ZBTB5: variants seen among roughly 807,000 people sequenced by gnomAD.
ZBTB5 encodes the protein zinc finger and BTB domain containing 5.
Under a neutral mutation model 37.9 loss-of-function variants are expected in ZBTB5, and 15 were observed. The observed-to-expected ratio is 0.40, with a 90% confidence interval of 0.26 to 0.61. The LOEUF (loss-of-function observed/expected upper bound fraction) is 0.61. Among genes scored for constraint, ZBTB5 ranks in the 20% least tolerant of loss-of-function variants. ZBTB5 has a pLI of 0.47. For synonymous variants in ZBTB5, 315 were observed against 312.4 expected (o/e 1.01, Z -0.09); for missense variants, 708 against 856.8 (o/e 0.83, Z 2.17).
chr9:37,460,590 G>C, intron 1 of ZBTB5, among the ~76,000 whole-genome samples: 1 of 152,204 alleles, frequency 6.6e-6, no homozygotes, highest in East Asian at 1.9e-4. Flanking sequence ...TGGGTGCTGG[G>C]CATGGTGGCT....
chr9:37,464,753 C>G (rs1824358817), intron 1 of ZBTB5, among the ~76,000 whole-genome samples: 1 of 152,254 alleles, frequency 6.6e-6, no homozygotes, highest in Non-Finnish European at 1.5e-5. Context: ...CTCCACCCCT[C>G]CAGGGTCGGC....
intron 1 of ZBTB5, among the ~76,000 whole-genome samples, chr9:37,454,306 A>T (rs1253107117): frequency 6.6e-6 from 1 of 152,252 alleles, no homozygotes; most frequent in Non-Finnish European, 1.5e-5. Context: ...TAAAAGCCTT[A>T]ACAGAGCTCA....
chr9:37,446,921 T>C (rs1824001634), intron 1 of ZBTB5, among the ~76,000 whole-genome samples: 1 of 152,192 alleles, frequency 6.6e-6, no homozygotes, highest in South Asian at 2.1e-4. Flanking sequence ...GGTGGGAAGT[T>C]GTACAAGACT....
At chr9:37,446,311 A>G (rs1823977087) in intron 1 of ZBTB5, among the ~76,000 whole-genome samples, 1 of 152,228 alleles carries the variant, frequency 6.6e-6, no homozygotes, top group Non-Finnish European at 1.5e-5. Flanking sequence ...TGTCCCAGCC[A>G]TACAGCCTTA....
chr9:37,440,567 G>C lies in ZBTB5; in HGVS notation c.1985C>G (p.Thr662Ser). Residue 662 changes from threonine (T) to serine (S), a missense_variant, in exon 2 of 2, where the codon ACT becomes AGT. Physicochemically the swap from Thr to Ser is moderately conservative, Grantham distance 58 (BLOSUM62 1). Coordinates refer to ENST00000307750, the MANE Select transcript of ZBTB5 (RefSeq NM_014872.3). ...GCTGCTCTGCCAGCGCAGGCAGGTA[G>C]TCTTTGAGTGCTTATACAGGTGGCT... Reference protein sequence around the residue: ...QSSHLYKHSKTTCLRWQSSNL... With the variant: ...QSSHLYKHSKSTCLRWQSSNL... The C allele has an allele frequency of 1.9e-6, 3 of 1,614,272 alleles. No individual in the cohort carries two copies. Among genetic ancestry groups the C allele is most frequent in the Non-Finnish European group, 2.5e-6 (3 of 1,180,046 alleles).
At chr9:37,456,763 G>C (rs556206535) in intron 1 of ZBTB5, among the ~76,000 whole-genome samples, 39 of 152,304 alleles carry the variant, frequency 2.6e-4, no homozygotes, top group Non-Finnish European at 5.0e-4. Context: ...CTCTCAAAGT[G>C]CCTGACATAA....
At chr9:37,460,529 G>C (rs576568328) in intron 1 of ZBTB5, among the ~76,000 whole-genome samples, 56 of 152,260 alleles carry the variant, frequency 3.7e-4, no homozygotes, top group Admixed American at 3.3e-3. Flanking sequence ...AGACCTGCTT[G>C]GTTAACATAG....
rs1245339174 is a variant in ZBTB5, at chr9:37,438,452, A to C, written c.*2066T>G. The C allele has an allele frequency of 6.6e-6, 1 of 152,552 alleles. No individual in the cohort carries two copies. The highest frequency in any genetic ancestry group is 1.5e-5 in the Non-Finnish European group (1 of 68,058). 9.4% of individuals were successfully genotyped at this position (152,552 alleles called of 1,614,324 possible). On this transcript the variant is annotated 3_prime_UTR_variant, in exon 2 of 2. Coordinates refer to ENST00000307750, the MANE Select transcript of ZBTB5 (RefSeq NM_014872.3). Reference sequence around the variant, plus strand: ...ACTGACAGACTAAGAGGTAGATGAGAGATTCCAGGTTCCATCTAGCAGTGG... The same window carrying C: ...ACTGACAGACTAAGAGGTAGATGAGCGATTCCAGGTTCCATCTAGCAGTGG...
At chr9:37,460,693 C>T (rs961356402) in intron 1 of ZBTB5, among the ~76,000 whole-genome samples, 1 of 151,744 alleles carries the variant, frequency 6.6e-6, no homozygotes, top group African/African-American at 2.4e-5. Flanking sequence ...TAGGGAGACC[C>T]CCACCTCCAC....
chr9:37,449,992 T>A (rs1394494744), intron 1 of ZBTB5, among the ~76,000 whole-genome samples: 1 of 152,016 alleles, frequency 6.6e-6, no homozygotes, highest in African/African-American at 2.4e-5. Flanking sequence ...ATTTGCATAA[T>A]AAGATTAGGG....
intron 1 of ZBTB5, among the ~76,000 whole-genome samples, chr9:37,453,529 C>T (rs1302798648): frequency 6.6e-6 from 1 of 152,162 alleles, no homozygotes; most frequent in Admixed American, 6.5e-5. Context: ...AACTTTTTTA[C>T]CATTTCCCCA....
intron 1 of ZBTB5, among the ~76,000 whole-genome samples, chr9:37,443,638 C>CA (rs1040659364): frequency 4.6e-5 from 7 of 152,196 alleles, no homozygotes; most frequent in African/African-American, 1.7e-4. Flanking sequence ...AAAACAAAAA[C>CA]AAAAAAACAC....
chr9:37,456,787 T>A (rs1372463047), intron 1 of ZBTB5, among the ~76,000 whole-genome samples: 1 of 152,238 alleles, frequency 6.6e-6, no homozygotes, highest in Non-Finnish European at 1.5e-5. Flanking sequence ...ACTCAGTAAA[T>A]TATTTGCTGA....
chr9:37,448,670 G>A (rs1431881507), intron 1 of ZBTB5, among the ~76,000 whole-genome samples: 2 of 152,338 alleles, frequency 1.3e-5, no homozygotes, highest in East Asian at 1.9e-4. Context: ...TAAGGAAGTA[G>A]AGTAGATTTT....
intron 1 of ZBTB5, among the ~76,000 whole-genome samples, chr9:37,446,534 C>G (rs1405504929): frequency 3.3e-5 from 5 of 152,240 alleles, no homozygotes; most frequent in Non-Finnish European, 7.3e-5. Flanking sequence ...CTTTCAACAA[C>G]AAAATAGATC....
chr9:37,442,168 G>A lies in ZBTB5; in HGVS notation c.384C>T (p.Pro128=), dbSNP rs1389236100. ...TCTGCTCCTGAACGCGCTCACTGGG[G>A]GGAGACATGGGCAGCGTCCTTGTCG... ...YLTTRTLPMS[P]PSERVQEQSA... is the part of the protein sequence containing the mutation. The change falls in exon 2 of 2, where the codon CCC becomes CCT. Residue 128 remains proline (P), a synonymous_variant. Coordinates refer to ENST00000307750, the MANE Select transcript of ZBTB5 (RefSeq NM_014872.3). 1 of 1,614,114 alleles carries A rather than the reference G, an allele frequency of 6.2e-7. No individual in the cohort carries two copies. The highest frequency in any genetic ancestry group is 1.3e-5 in the African/African-American group (1 of 74,944).
chr9:37,465,014 C>T (rs1001120373), intron 1 of ZBTB5, among the ~76,000 whole-genome samples: 1 of 152,056 alleles, frequency 6.6e-6, no homozygotes, highest in African/African-American at 2.4e-5. Flanking sequence ...GTCGGGACAC[C>T]GGGGACGCCT....
rs1293490882 is a variant in ZBTB5, at chr9:37,438,788, A to C, written c.*1730T>G. On this transcript the variant is annotated 3_prime_UTR_variant, in exon 2 of 2. Coordinates refer to ENST00000307750, the MANE Select transcript of ZBTB5 (RefSeq NM_014872.3). ...CTGCTAACAAGGAGCCACACACACA[A>C]CTGAATTTCACAGGACCTCATATCC... is the stretch of plus-strand genomic sequence containing the variant. 6.6e-6 allele frequency: 1 copy of C among 152,254 alleles called. No homozygotes were observed. Among genetic ancestry groups the C allele is most frequent in the Non-Finnish European group, 1.5e-5 (1 of 68,052 alleles). 9.4% of individuals were successfully genotyped at this position (152,254 alleles called of 1,614,324 possible).
chr9:37,449,897 A>G (rs1824067389), intron 1 of ZBTB5, among the ~76,000 whole-genome samples: 1 of 152,134 alleles, frequency 6.6e-6, no homozygotes, highest in African/African-American at 2.4e-5. Flanking sequence ...AATCATGTTC[A>G]AAATGGTGGC....
Sources: gnomAD v4.1 joint callset for allele counts (sites outside exome capture counted in the v4.1 genomes callset) on GRCh38, gnomAD v4.1.1 for gene constraint, MANE v1.5 for transcripts, NCBI Gene and HGNC (gene_info 2026-07-23, HGNC 2026-07-21) for gene names.